The following ARID3A variants were observed in gnomAD, a reference collection of about 807,000 sequenced individuals.
ARID3A encodes AT-rich interactive domain-containing protein 3A.
A neutral mutation model predicts 52.7 loss-of-function variants in ARID3A; 11 were observed. The ratio of observed to expected loss-of-function variants is 0.21; its 90% CI spans 0.13 to 0.35. The LOEUF (loss-of-function observed/expected upper bound fraction) is 0.35, where lower values mean the gene tolerates loss of function less well. Among genes scored for constraint, ARID3A ranks in the 10% least tolerant of loss-of-function variants. The pLI is 1.00. For synonymous variants in ARID3A, 404 were observed against 359.4 expected, an observed-to-expected ratio of 1.12 and a Z score of -1.40; for missense variants, 721 against 838.5, an observed-to-expected ratio of 0.86 and a Z score of 1.73.
rs116588720 is a variant in ARID3A at position 944,885 on chromosome 19, G to A, written c.693+12143G>A. On this transcript the variant is annotated intron_variant, in intron 3 of 8. Coordinates refer to ENST00000263620, the MANE Select transcript of ARID3A (RefSeq NM_005224.3). This position sits in a 1 kb window ranked among gnomAD's most constrained non-coding sequence, Gnocchi z 5.9. ...GAGCCGGGATGTCCCTGGGTCCTGC[G>A]GTCGCTCTCTGTCTCCATCTCTTCT... Among the ~76,000 whole-genome samples the A allele has an allele frequency of 2.2e-3, 332 of 152,238 alleles. 1 individual carries two copies. The highest frequency in any genetic ancestry group is 7.5e-3 in the African/African-American group (310 of 41,560).
At position 968,431 on chromosome 19, in the gene ARID3A, G is replaced by A; in HGVS notation, c.1522G>A (p.Val508Met). 1 of 1,614,020 alleles carries A rather than the reference G, an allele frequency of 6.2e-7. No individual in the cohort carries two copies. Among genetic ancestry groups the A allele is most frequent in the East Asian group, 2.2e-5 (1 of 44,878 alleles). Residue 508 changes from valine to methionine, a missense_variant, in exon 8 of 9, where the codon GTG becomes ATG. Physicochemically the swap from Val to Met is conservative, Grantham distance 21. Around this residue, in one of 5 missense-constraint regions of ARID3A, gnomAD observed 297 missense variants for 343.2 expected, o/e 0.87. Transcript: ENST00000263620. ...CTCCGAAAGCCGCCAGGACTCTGCT[G>A]TGAACCTGACGGGCACCAACGGCAG... ...QASESRQDSA[V>M]NLTGTNGSNS...
rs1052435107 is a variant in ARID3A, at chr19:969,657, C to G, written c.1594+1154C>G. Among the ~76,000 whole-genome samples the G allele has an allele frequency of 4.3e-4, 55 of 127,878 alleles. No individual in the cohort carries two copies. In the Admixed American group the frequency reaches 4.9e-3, roughly 11 times the overall value. The allele number at this position is 127,878 out of a possible 152,430, so 83.9% of individuals were successfully genotyped here. ...TATAAATACATATATACTTTTATAT[C>G]TATATCTACATAGATATATATATAT... On this transcript the variant is annotated intron_variant, in intron 8 of 8. Coordinates refer to ENST00000263620, the MANE Select transcript of ARID3A (RefSeq NM_005224.3).
intron 6 of ARID3A, 38 bp downstream of exon 6, chr19:965,118 T>C (rs767882302): frequency 1.9e-6 from 3 of 1,553,098 alleles, no homozygotes; most frequent in Non-Finnish European, 2.6e-6. Context: ...TGTTCCCAAC[T>C]GAGCTTCAGC....
intron 3 of ARID3A, among the ~76,000 whole-genome samples, chr19:934,692 G>A (rs912434458): frequency 2.6e-5 from 4 of 152,284 alleles, no homozygotes; most frequent in South Asian, 2.1e-4. Context: ...TGCGGGAGAC[G>A]GGATTGGAAC....
chr19:952,025 C>G (rs1005304585), intron 3 of ARID3A, among the ~76,000 whole-genome samples: 2 of 152,116 alleles, frequency 1.3e-5, no homozygotes, highest in Non-Finnish European at 2.9e-5. Context: ...CCGGTAATCC[C>G]ACCTACTTGG....
chr19:937,770 G>A (rs1420573573), intron 3 of ARID3A, among the ~76,000 whole-genome samples: 3 of 146,028 alleles, frequency 2.1e-5, no homozygotes, highest in Non-Finnish European at 1.5e-5. Flanking sequence ...GCAATGGGGC[G>A]ATCTCGGCTC....
At position 973,776 on chromosome 19, in the gene ARID3A, C is replaced by T. The variant is rs939907052; in HGVS notation, c.*1711C>T. 15 of 229,120 alleles carry T rather than the reference C, an allele frequency of 6.5e-5. No individual in the cohort carries two copies. Among genetic ancestry groups the T allele is most frequent in the Non-Finnish European group, 1.2e-4 (14 of 115,496 alleles). 14.2% of individuals were successfully genotyped at this position (229,120 alleles called of 1,614,324 possible). ...GAGAAGGGAGGCTGCCCCCCACCAC[C>T]CTGTGGGTCAGTACCCCTCCCCCTG... On this transcript the variant is annotated 3_prime_UTR_variant, in exon 9 of 9. Transcript: ENST00000263620.
chr19:960,223 G>C lies in ARID3A; in HGVS notation c.766+59G>C. 2 of 1,488,654 alleles carry C rather than the reference G, an allele frequency of 1.3e-6. No homozygotes were observed. Among genetic ancestry groups the C allele is most frequent in the Non-Finnish European group, 1.8e-6 (2 of 1,085,648 alleles). 92.2% of individuals were successfully genotyped at this position (1,488,654 alleles called of 1,614,324 possible). On this transcript the variant is annotated intron_variant, in intron 4 of 8. Transcript: ENST00000263620. The surrounding 1 kb of genome is among the most constrained non-coding windows in gnomAD (Gnocchi z 4.3). ...GTCACAGAAACAGGGCTGTAGGAGG[G>C]GCCCTACTGGCTCCAGGTATGTCGG...
rs56404084 is a variant in ARID3A at position 973,104 on chromosome 19, A to ATTTTTTTTTTTTTTTT, written c.*1045_*1060dup. 17 of 53,666 alleles carry ATTTTTTTTTTTTTTTT rather than the reference A, an allele frequency of 3.2e-4. 1 individual carries two copies. The highest frequency in any genetic ancestry group is 1.5e-3 in the South Asian group (2 of 1,360). The allele number at this position is 53,666 out of a possible 1,614,324, so 3.3% of individuals were successfully genotyped here. ...GGGCTCTCGAGTCAGGGGCCTGGAA[A>ATTTTTTTTTTTTTTTT]TTTTTTTTTTTTTTTTTTTTTGAGA... On this transcript the variant is annotated 3_prime_UTR_variant, in exon 9 of 9. Coordinates refer to ENST00000263620, the MANE Select transcript of ARID3A (RefSeq NM_005224.3).
chr19:971,647 C>T (rs899952856), intron 8 of ARID3A, among the ~76,000 whole-genome samples: 3 of 152,088 alleles, frequency 2.0e-5, no homozygotes, highest in African/African-American at 7.2e-5. Context: ...ATTAGCCAGA[C>T]ATGGTGGCAC....
Position 929,905 on chromosome 19 carries a change from G to A in ARID3A, c.368+9G>A, listed in dbSNP as rs2037285754. On this transcript the variant is annotated intron_variant, in intron 2 of 8. Coordinates refer to ENST00000263620, the MANE Select transcript of ARID3A (RefSeq NM_005224.3). The surrounding 1 kb of genome is among the most constrained non-coding windows in gnomAD (Gnocchi z 6.2). Reference sequence around the variant, plus strand: ...GCCTCCGACGAGGACATGTGAGTTGGGGTCTGGGGCAGGGCCTTCTGGGGG... The same window carrying A: ...GCCTCCGACGAGGACATGTGAGTTGAGGTCTGGGGCAGGGCCTTCTGGGGG... 1.3e-6 allele frequency: 2 copies of A among 1,539,396 alleles called. No homozygotes were observed. The highest frequency in any genetic ancestry group is 1.7e-6 in the Non-Finnish European group (2 of 1,146,790).
At chr19:963,434 G>C (rs187788308) in intron 4 of ARID3A, among the ~76,000 whole-genome samples, 2 of 152,342 alleles carry the variant, frequency 1.3e-5, no homozygotes, top group East Asian at 3.9e-4. Context: ...CTTGCCTACT[G>C]TCAGGCCAGG....
rs565542220 is a variant in ARID3A at position 929,719 on chromosome 19, C to A, written c.191C>A (p.Ala64Asp). The A allele has an allele frequency of 1.3e-6, 2 of 1,563,530 alleles. No individual in the cohort carries two copies. The highest frequency in any genetic ancestry group is 1.7e-6 in the Non-Finnish European group (2 of 1,162,814). ...MQRAQMAALA[A>D]MRAAAAGLGH... Reference sequence around the variant, plus strand: ...CGGGCTCAGATGGCCGCACTGGCAGCCATGCGGGCTGCAGCTGCGGGCCTG... The same window carrying A: ...CGGGCTCAGATGGCCGCACTGGCAGACATGCGGGCTGCAGCTGCGGGCCTG... The change falls in exon 2 of 9, where the codon GCC becomes GAC. Residue 64 changes from alanine to aspartate, a missense_variant. This residue lies in a region of ARID3A where 349 missense variants were observed against 297.3 expected (regional missense o/e 1.17). Coordinates refer to ENST00000263620, the MANE Select transcript of ARID3A (RefSeq NM_005224.3). The surrounding 1 kb of genome is among the most constrained non-coding windows in gnomAD (Gnocchi z 6.2).
At chr19:946,384 C>T (rs1047190137) in intron 3 of ARID3A, among the ~76,000 whole-genome samples, 4 of 151,550 alleles carry the variant, frequency 2.6e-5, no homozygotes, top group Non-Finnish European at 4.4e-5. Context: ...GCCTTAGCCT[C>T]CCGAGTAGCT....
rs2037259204 is a variant in ARID3A, at chr19:929,015, A to C, written c.-267-247A>C. The C allele has an allele frequency of 6.5e-6, 1 of 152,960 alleles. No individual in the cohort carries two copies. The highest frequency in any genetic ancestry group is 1.5e-5 in the Non-Finnish European group (1 of 68,550). 9.5% of individuals were successfully genotyped at this position (152,960 alleles called of 1,614,324 possible). On this transcript the variant is annotated intron_variant, in intron 1 of 8. Transcript: ENST00000263620. The surrounding 1 kb of genome is among the most constrained non-coding windows in gnomAD (Gnocchi z 6.2). ...ACCCTGCTTGTGAAGCAATAATCCA[A>C]GATCTCCTGGGGCAGACAGTCTGGC...
Position 942,719 on chromosome 19 carries a change from G to A in ARID3A, c.693+9977G>A, listed in dbSNP as rs2037582999. Among the ~76,000 whole-genome samples, 1 of 152,144 alleles carries A rather than the reference G, an allele frequency of 6.6e-6. No individual in the cohort carries two copies. Among genetic ancestry groups the A allele is most frequent in the Non-Finnish European group, 1.5e-5 (1 of 68,016 alleles). On this transcript the variant is annotated intron_variant, in intron 3 of 8. Coordinates refer to ENST00000263620, the MANE Select transcript of ARID3A (RefSeq NM_005224.3). The surrounding 1 kb of genome is among the most constrained non-coding windows in gnomAD (Gnocchi z 8.1). ...GGAAGTGAGCTCCCTGGGGACCCAG[G>A]CCCCATGTCCAGAAGCCACGCTGGA...
intron 8 of ARID3A, among the ~76,000 whole-genome samples, chr19:970,635 C>A (rs139070373): frequency 1.3e-5 from 2 of 151,282 alleles, no homozygotes; most frequent in Non-Finnish European, 2.9e-5. Flanking sequence ...CCACCAGGCC[C>A]GGCTAATTTT....
chr19:966,458 CAA>C (rs71335324), intron 6 of ARID3A, 112 bp from the exon 7 acceptor site: 52,164 of 673,286 alleles, frequency 0.077, 1 homozygote, highest in Non-Finnish European at 0.085. Flanking sequence ...AACTCCGTCT[CAA>C]AAAAAAAAAA....
Position 971,657 on chromosome 19 carries a change from C to T in ARID3A, c.1595-221C>T, listed in dbSNP as rs544430985. On this transcript the variant is annotated intron_variant, in intron 8 of 8. Coordinates refer to ENST00000263620, the MANE Select transcript of ARID3A (RefSeq NM_005224.3). ...AAAAAATTAGCCAGACATGGTGGCA[C>T]GCCCCTGTGGTCTCAGCTACTCGGG... Among the ~76,000 whole-genome samples, 20 of 152,222 alleles carry T rather than the reference C, an allele frequency of 1.3e-4. No homozygotes were observed. The South Asian group carries it at 2.7e-3, about 21-fold the overall frequency.
Sources: allele counts gnomAD v4.1 joint callset (sites outside exome capture counted in the v4.1 genomes callset), GRCh38; gene constraint gnomAD v4.1.1; regional missense constraint gnomAD v4.1.1; non-coding constraint Gnocchi (gnomAD v3.1); transcripts MANE v1.5; gene names NCBI Gene and HGNC (gene_info 2026-07-23, HGNC 2026-07-21).